Variants in KMT2C observed in about 807,000 individuals in gnomAD.
KMT2C encodes the protein histone-lysine N-methyltransferase 2C.
KMT2C carries 88 observed loss-of-function variants against 507.9 expected under a neutral mutation model. That is an observed-to-expected ratio of 0.17 (90% CI 0.15 to 0.21). The LOEUF is 0.21. Among genes scored for constraint, KMT2C ranks in the 10% least tolerant of loss-of-function variants. The probability of loss-of-function intolerance (pLI) is 1.00; values close to 1 mark genes in which losing one functional copy is unlikely to be tolerated. For missense variants in KMT2C, 4,954 were observed against 5,957.8 expected (o/e 0.83, Z 5.55); for synonymous variants, 2,049 against 2,080.8 (o/e 0.98, Z 0.42).
intron 9 of KMT2C, among the ~76,000 whole-genome samples, chr7:152,258,879 T>G (rs182130501): frequency 6.6e-6 from 1 of 152,102 alleles, no homozygotes; most frequent in East Asian, 1.9e-4. Flanking sequence ...AGCAAGATAT[T>G]TGCATGGTCT....
intron 34 of KMT2C, among the ~76,000 whole-genome samples, chr7:152,183,718 G>A (rs964851517): frequency 6.6e-6 from 1 of 152,082 alleles, no homozygotes; most frequent in Non-Finnish European, 1.5e-5. Context: ...CCAACATGGA[G>A]ACACCCCATC....
chr7:152,207,483 C>T (rs1391917678), intron 23 of KMT2C, 55 bp from the exon 24 acceptor site: 1 of 1,482,756 alleles, frequency 6.7e-7, no homozygotes, highest in Non-Finnish European at 9.2e-7. Context: ...AATATATAAT[C>T]CCTACATAAT....
chr7:152,326,095 C>T (rs903080636), intron 3 of KMT2C, among the ~76,000 whole-genome samples: 1 of 152,108 alleles, frequency 6.6e-6, no homozygotes, highest in South Asian at 2.1e-4. Flanking sequence ...TAATACAGCA[C>T]TGACTTAATT....
chr7:152,178,026 A>ATT lies in KMT2C; in HGVS notation c.7443-17_7443-16insAA, dbSNP rs748116385. 274 of 1,386,794 alleles carry ATT rather than the reference A, an allele frequency of 2.0e-4. 4 individuals are homozygous for ATT. In the African/African-American group the frequency reaches 4.3e-3, roughly 22 times the overall value. 85.9% of individuals were successfully genotyped at this position (1,386,794 alleles called of 1,614,324 possible). A position where few individuals can be genotyped will look rare whatever the true frequency, so the allele number is the denominator to read the frequency against. On this transcript the variant is annotated splice_polypyrimidine_tract_variant and intron_variant, in intron 37 of 58. Coordinates refer to ENST00000262189, the MANE Select transcript of KMT2C (RefSeq NM_170606.3). ...AAATCCAAATCTTTTAAAAAAAAAA[A>ATT]AAAAAAAAAAAAAAAAGCAAATAGG...
intron 27 of KMT2C, among the ~76,000 whole-genome samples, chr7:152,198,895 TCCCAAGTACC>T (rs1436842253): frequency 6.6e-6 from 1 of 152,100 alleles, no homozygotes; most frequent in Non-Finnish European, 1.5e-5. Flanking sequence ...GCCAGCAAGT[TCCCAAGTACC>T]CCCACATCCA....
At chr7:152,314,612 T>C (rs1344582377) in intron 4 of KMT2C, among the ~76,000 whole-genome samples, 2 of 151,848 alleles carry the variant, frequency 1.3e-5, no homozygotes, top group Non-Finnish European at 2.9e-5. Context: ...TATAGGACAG[T>C]GCAACATTTT....
At position 152,149,168 on chromosome 7, in the gene KMT2C, A is replaced by G; in HGVS notation, c.12775-16T>C. 1 of 1,447,968 alleles carries G rather than the reference A, an allele frequency of 6.9e-7. No homozygotes were observed. The highest frequency in any genetic ancestry group is 1.4e-5 in the African/African-American group (1 of 70,188). 89.7% of individuals were successfully genotyped at this position (1,447,968 alleles called of 1,614,324 possible). On this transcript the variant is annotated splice_polypyrimidine_tract_variant and intron_variant, in intron 51 of 58. Coordinates refer to ENST00000262189, the MANE Select transcript of KMT2C (RefSeq NM_170606.3). ...GAATGGATTCCTGGGCAACATAAAG[A>G]AACCATGACAAAGAAAAATAATTCA... is the stretch of plus-strand genomic sequence containing the variant.
rs1161632105 is a variant in KMT2C at position 152,193,999 on chromosome 7, C to A, written c.4660+10G>T. The A allele has an allele frequency of 6.5e-7, 1 of 1,528,720 alleles. No homozygotes were observed. Among genetic ancestry groups the A allele is most frequent in the African/African-American group, 1.4e-5 (1 of 71,152 alleles). The allele number at this position is 1,528,720 out of a possible 1,614,324, so 94.7% of individuals were successfully genotyped here. A position where few individuals can be genotyped will look rare whatever the true frequency, so the allele number is the denominator to read the frequency against. ...TGAATATAATGTAGAATTATAAAGT[C>A]ATAACATACCCTGATTGTGTATTGG... On this transcript the variant is annotated intron_variant, in intron 31 of 58. Coordinates refer to ENST00000262189, the MANE Select transcript of KMT2C (RefSeq NM_170606.3).
At position 152,423,996 on chromosome 7, in the gene KMT2C, A is replaced by T. The variant is rs117702358; in HGVS notation, c.161+11630T>A. 7.9e-3 allele frequency among the ~76,000 whole-genome samples: 1,211 copies of T among 152,356 alleles called. 16 individuals are homozygous for T. Among genetic ancestry groups the T allele is most frequent in the Non-Finnish European group, 0.014 (958 of 68,030 alleles). ...ACTATTTAAAGTCCTCAATAATAAA[A>T]ATCTGTATTTCAAAATACTTTAGAA... On this transcript the variant is annotated intron_variant, in intron 1 of 58. Transcript: ENST00000262189.
intron 26 of KMT2C, among the ~76,000 whole-genome samples, chr7:152,202,675 T>C (rs1013835245): frequency 6.6e-6 from 1 of 152,158 alleles, no homozygotes; most frequent in Admixed American, 6.5e-5. Flanking sequence ...TCCCAAAGTG[T>C]CCTTGTTACA....
intron 43 of KMT2C, among the ~76,000 whole-genome samples, chr7:152,161,157 A>G (rs967874467): frequency 2.0e-5 from 3 of 152,214 alleles, no homozygotes; most frequent in African/African-American, 7.2e-5. Context: ...TACTGGTGAC[A>G]ACTGTAAAAG....
chr7:152,427,613 A>G (rs927075590), intron 1 of KMT2C, among the ~76,000 whole-genome samples: 28 of 152,106 alleles, frequency 1.8e-4, no homozygotes, highest in African/African-American at 6.3e-4. Flanking sequence ...TCTTGTATGT[A>G]TATGTTGTCC....
At chr7:152,419,019 C>T (rs574477458) in intron 1 of KMT2C, among the ~76,000 whole-genome samples, 14 of 151,718 alleles carry the variant, frequency 9.2e-5, no homozygotes, top group African/African-American at 2.2e-4. Flanking sequence ...CATAGTGAGA[C>T]GACTGTCCCT....
chr7:152,371,367 A>G (rs1022757951), intron 1 of KMT2C, among the ~76,000 whole-genome samples: 5 of 151,730 alleles, frequency 3.3e-5, no homozygotes, highest in African/African-American at 9.7e-5. Context: ...GGTAACCACA[A>G]AAAAAAGGCT....
chr7:152,290,214 A>G (rs549707525), intron 6 of KMT2C, among the ~76,000 whole-genome samples: 27 of 111,520 alleles, frequency 2.4e-4, no homozygotes, highest in Admixed American at 1.8e-3. Flanking sequence ...TAAATTTTAT[A>G]TATATATGTG....
intron 1 of KMT2C, among the ~76,000 whole-genome samples, chr7:152,392,488 T>C (rs971038694): frequency 6.6e-6 from 1 of 152,142 alleles, no homozygotes; most frequent in Admixed American, 6.5e-5. Flanking sequence ...TAATCAAAAG[T>C]AAAAATGAAG....
chr7:152,334,901 G>T (rs1026332149), intron 2 of KMT2C, among the ~76,000 whole-genome samples: 1 of 152,088 alleles, frequency 6.6e-6, no homozygotes, highest in African/African-American at 2.4e-5. Context: ...TATATTTTGG[G>T]GTCTCTGTTA....
chr7:152,304,062 A>G (rs1022325490), intron 6 of KMT2C, among the ~76,000 whole-genome samples: 3 of 152,130 alleles, frequency 2.0e-5, no homozygotes, highest in African/African-American at 7.2e-5. Context: ...ATACTCAAAC[A>G]TTTCTTATTA....
chr7:152,163,050 C>G lies in KMT2C; in HGVS notation c.10527G>C (p.Gln3509His), dbSNP rs2092540292. The change falls in exon 43 of 59, where the codon CAG becomes CAC. Residue 3509 changes from glutamine (Q) to histidine (H), a missense_variant. This residue lies in a region of KMT2C where 801 missense variants were observed against 751.2 expected (regional missense o/e 1.07). Coordinates refer to ENST00000262189, the MANE Select transcript of KMT2C (RefSeq NM_170606.3). The part of the protein sequence containing the change: ...QTFMQTNERR[Q>H]VGPPSFVPDS... ...CAGGAACAAATGAAGGAGGGCCTAC[C>G]TGCCTTCGCTCATTAGTCTGCATGA... The G allele has an allele frequency of 6.2e-7, 1 of 1,614,224 alleles. No individual in the cohort carries two copies. The highest frequency in any genetic ancestry group is 8.5e-7 in the Non-Finnish European group (1 of 1,180,036).
Sources: gnomAD v4.1 joint callset for allele counts (sites outside exome capture counted in the v4.1 genomes callset) on GRCh38, gnomAD v4.1.1 for gene constraint, gnomAD v4.1.1 regional missense constraint, MANE v1.5 for transcripts, NCBI Gene and HGNC (gene_info 2026-07-23, HGNC 2026-07-21) for gene names.